RASAL2: variants seen among roughly 807,000 people sequenced by gnomAD.
RASAL2 encodes the protein ras GTPase-activating protein nGAP.
RASAL2 carries 58 observed loss-of-function variants against 128.9 expected under a neutral mutation model. The observed-to-expected ratio is 0.45, with a 90% CI of 0.36 to 0.56. RASAL2 has a LOEUF of 0.56. Among genes scored for constraint, RASAL2 ranks in the 20% least tolerant of loss-of-function variants. The probability of loss-of-function intolerance (pLI) is 0.00; values close to 1 mark genes in which losing one functional copy is unlikely to be tolerated. For missense variants in RASAL2, 1,360 were observed against 1,601.6 expected (o/e 0.85, Z 2.57); for synonymous variants, 561 against 580.8 (o/e 0.97, Z 0.49).
chr1:178,412,043 A>G, intron 4 of RASAL2: 1 of 401,346 alleles, frequency 2.5e-6, no homozygotes, highest in Non-Finnish European at 4.6e-6. Flanking sequence ...ACTTTCTGAA[A>G]ATAAATTGCC....
chr1:178,194,296 G>A (rs1662587800), intron 1 of RASAL2: 1 of 220,666 alleles, frequency 4.5e-6, no homozygotes, highest in Admixed American at 4.1e-5. Flanking sequence ...ATGAATTAAA[G>A]TATTTTACAG....
intron 4 of RASAL2, among the ~76,000 whole-genome samples, chr1:178,401,831 A>G (rs1673646949): frequency 6.6e-6 from 1 of 152,144 alleles, no homozygotes; most frequent in South Asian, 2.1e-4. Flanking sequence ...GTTACAGTTT[A>G]AAAAGGCCCT....
intron 1 of RASAL2, among the ~76,000 whole-genome samples, chr1:178,112,047 A>G (rs1188751140): frequency 6.6e-6 from 1 of 152,110 alleles, no homozygotes. Flanking sequence ...CAATTTTAAA[A>G]TTGATTTTTT....
At chr1:178,155,506 A>G (rs1661054778) in intron 1 of RASAL2, among the ~76,000 whole-genome samples, 1 of 151,300 alleles carries the variant, frequency 6.6e-6, no homozygotes, top group South Asian at 2.1e-4. Flanking sequence ...TTGACATCCT[A>G]TAGTTATAAT....
intron 4 of RASAL2, among the ~76,000 whole-genome samples, chr1:178,405,938 C>A (rs1295966650): frequency 6.6e-6 from 1 of 152,142 alleles, no homozygotes. Flanking sequence ...AAACTCTGTA[C>A]TATTTTTCCA....
chr1:178,099,180 C>T (rs1658800638), intron 1 of RASAL2, among the ~76,000 whole-genome samples: 1 of 152,304 alleles, frequency 6.6e-6, no homozygotes, highest in South Asian at 2.1e-4. Flanking sequence ...TGTTCATGTT[C>T]CTTAAATGTC....
intron 1 of RASAL2, among the ~76,000 whole-genome samples, chr1:178,141,138 A>G (rs183466604): frequency 3.3e-5 from 5 of 152,150 alleles, no homozygotes; most frequent in African/African-American, 9.6e-5. Flanking sequence ...CTGTGATCCA[A>G]ACACCTCTGA....
chr1:178,276,585 C>T (rs1220221643), intron 1 of RASAL2, among the ~76,000 whole-genome samples: 1 of 151,696 alleles, frequency 6.6e-6, no homozygotes, highest in Non-Finnish European at 1.5e-5. Context: ...GATCATGGCC[C>T]ACTGCAGCCT....
chr1:178,460,464 C>G (rs544179131), intron 14 of RASAL2, among the ~76,000 whole-genome samples: 1 of 152,208 alleles, frequency 6.6e-6, no homozygotes, highest in South Asian at 2.1e-4. Flanking sequence ...CAATACCTAT[C>G]GCATAAGCAC....
At chr1:178,393,181 T>G (rs1350716092) in intron 4 of RASAL2, among the ~76,000 whole-genome samples, 1 of 152,166 alleles carries the variant, frequency 6.6e-6, no homozygotes, top group Non-Finnish European at 1.5e-5. Flanking sequence ...GGTTGGGTTG[T>G]GGGGGATGGT....
chr1:178,142,393 T>C (rs564113029), intron 1 of RASAL2, among the ~76,000 whole-genome samples: 2 of 152,258 alleles, frequency 1.3e-5, no homozygotes, highest in South Asian at 4.1e-4. Flanking sequence ...AGGTTCCCTG[T>C]AATGTTTTAA....
At chr1:178,289,731 C>T (rs1276486218) in intron 2 of RASAL2, among the ~76,000 whole-genome samples, 1 of 152,154 alleles carries the variant, frequency 6.6e-6, no homozygotes, top group Non-Finnish European at 1.5e-5. Context: ...TCATGACTTA[C>T]CATAGGTAAG....
intron 1 of RASAL2, among the ~76,000 whole-genome samples, chr1:178,245,354 T>G (rs1456769527): frequency 6.6e-6 from 1 of 152,250 alleles, no homozygotes; most frequent in African/African-American, 2.4e-5. Context: ...TTCATATGTT[T>G]GTCAGCTCCA....
At chr1:178,214,396 A>G (rs1558119096) in intron 1 of RASAL2, among the ~76,000 whole-genome samples, 1 of 152,192 alleles carries the variant, frequency 6.6e-6, no homozygotes, top group Non-Finnish European at 1.5e-5. Flanking sequence ...CTTATTTGGA[A>G]CTTAGCTATT....
At chr1:178,231,839 GAT>G (rs1311533570) in intron 1 of RASAL2, among the ~76,000 whole-genome samples, 1 of 152,024 alleles carries the variant, frequency 6.6e-6, no homozygotes, top group Non-Finnish European at 1.5e-5. Flanking sequence ...TCTCTAATTT[GAT>G]ATGTTTTTGA....
chr1:178,219,786 T>G (rs527695229), intron 1 of RASAL2, among the ~76,000 whole-genome samples: 1 of 152,296 alleles, frequency 6.6e-6, no homozygotes, highest in African/African-American at 2.4e-5. Context: ...AAGTGAGATA[T>G]GTGACTCTTC....
intron 3 of RASAL2, among the ~76,000 whole-genome samples, chr1:178,379,433 A>G (rs10913542): frequency 0.25 from 37,563 of 151,768 alleles, 7,393 homozygotes; most frequent in African/African-American, 0.55. Context: ...GGAAGGGAAG[A>G]AAGGAAGAGA....
intron 1 of RASAL2, among the ~76,000 whole-genome samples, chr1:178,229,711 C>T (rs928493968): frequency 4.6e-5 from 7 of 152,016 alleles, no homozygotes; most frequent in African/African-American, 1.7e-4. Flanking sequence ...TTCCTCAAGC[C>T]AATAATACAC....
At chr1:178,294,890 G>A (rs1344804199) in intron 2 of RASAL2, among the ~76,000 whole-genome samples, 15 of 152,176 alleles carry the variant, frequency 9.9e-5, no homozygotes, top group Admixed American at 9.8e-4. Context: ...CACATGTCCA[G>A]GGAAAGACTA....
Sources: gnomAD v4.1 joint callset for allele counts (sites outside exome capture counted in the v4.1 genomes callset) on GRCh38, gnomAD v4.1.1 for gene constraint, MANE v1.5 for transcripts, NCBI Gene and HGNC (gene_info 2026-07-23, HGNC 2026-07-21) for gene names.